The following SVEP1 variants were observed in gnomAD, a reference collection of about 807,000 sequenced individuals.
SVEP1 encodes the protein sushi, von Willebrand factor type A, EGF and pentraxin domain-containing protein 1.
In SVEP1, 164 loss-of-function variants were observed where a neutral mutation model predicts 367.3. The ratio of observed to expected loss-of-function variants is 0.45; its 90% CI spans 0.39 to 0.51. The LOEUF (loss-of-function observed/expected upper bound fraction) is 0.51. Among genes scored for constraint, SVEP1 ranks in the 20% least tolerant of loss-of-function variants. The probability of loss-of-function intolerance (pLI) is 0.00; values close to 1 mark genes in which losing one functional copy is unlikely to be tolerated. For synonymous variants in SVEP1, 1,666 were observed against 1,611.6 expected (o/e 1.03, Z -0.81); for missense variants, 4,117 against 4,425.3 (o/e 0.93, Z 1.98).
At chr9:110,472,438 T>C (rs1829035283) in intron 14 of SVEP1, 115 bp from the exon 15 acceptor site, 4 of 977,938 alleles carry the variant, frequency 4.1e-6, no homozygotes, top group Non-Finnish European at 5.8e-6. Flanking sequence ...CAAATGCCCA[T>C]AACATACTGC....
chr9:110,399,239 C>T (rs1300896558), intron 40 of SVEP1, among the ~76,000 whole-genome samples: 1 of 150,686 alleles, frequency 6.6e-6, no homozygotes, highest in Non-Finnish European at 1.5e-5. Context: ...GCAAACTATC[C>T]CAAGGATAAA....
rs577116382 is a variant in SVEP1, at chr9:110,532,960, G to A, written c.964+13155C>T. Among the ~76,000 whole-genome samples, 11 of 152,240 alleles carry A rather than the reference G, an allele frequency of 7.2e-5. No homozygotes were observed. The East Asian group carries it at 1.4e-3, about 19-fold the overall frequency. The stretch of plus-strand genomic sequence containing the variant: ...ATAATTTTTCCACTGACTAGGGTAC[G>A]GGATGGTTTCAGGATGAAACTGTTC... On this transcript the variant is annotated intron_variant, in intron 3 of 47. Transcript: ENST00000374469.
At chr9:110,512,365 A>AT (rs999776898) in intron 5 of SVEP1, among the ~76,000 whole-genome samples, 208 of 143,498 alleles carry the variant, frequency 1.4e-3, no homozygotes, top group East Asian at 1.6e-3. Flanking sequence ...TTGAGGCACT[A>AT]TTTTTTTTTT....
At chr9:110,374,761 A>G (rs1349031582) in intron 46 of SVEP1, among the ~76,000 whole-genome samples, 1 of 152,230 alleles carries the variant, frequency 6.6e-6, no homozygotes, top group Non-Finnish European at 1.5e-5. Flanking sequence ...TGAGGAAAGC[A>G]GTACGGCGAT....
chr9:110,408,213 G>T lies in SVEP1; in HGVS notation c.7387C>A (p.Leu2463Ile). 1 of 1,613,986 alleles carries T rather than the reference G, an allele frequency of 6.2e-7. No individual in the cohort carries two copies. The highest frequency in any genetic ancestry group is 1.1e-5 in the South Asian group (1 of 91,082). ...TCAAAGCCTGGCTTGCAGGTATAGA[G>T]AGCTGTGCTGAGATAGGCAAGGCCT... ...VQGLAYLSTA[L>I]YTCKPGFELV... Residue 2463 changes from leucine to isoleucine, a missense_variant, in exon 38 of 48, where the codon CTC becomes ATC. Physicochemically the swap from Leu to Ile is conservative, Grantham distance 5. Transcript: ENST00000374469.
chr9:110,447,594 C>T (rs1290026651), intron 24 of SVEP1, among the ~76,000 whole-genome samples: 1 of 152,260 alleles, frequency 6.6e-6, no homozygotes, highest in South Asian at 2.1e-4. Flanking sequence ...TTAAACTCAT[C>T]AGAATGGAAA....
chr9:110,432,472 T>C lies in SVEP1; in HGVS notation c.5223A>G (p.Pro1741=), dbSNP rs1379858950. The C allele has an allele frequency of 1.9e-6, 3 of 1,612,426 alleles. No individual in the cohort carries two copies. The highest frequency in any genetic ancestry group is 1.1e-5 in the South Asian group (1 of 90,736). ...TDNGSWNGVS[P]SCLDVDECAV... is the part of the protein sequence containing the mutation. ...CAACATTTATCTCACCAAGGCAGGA[T>C]GGTGAAACGCCGTTCCAGCTCCCAT... The change falls in exon 31 of 48, where the codon CCA becomes CCG. Residue 1741 remains proline, a synonymous_variant. Transcript: ENST00000374469.
chr9:110,507,745 T>G (rs1483123026), intron 5 of SVEP1, among the ~76,000 whole-genome samples: 2 of 152,226 alleles, frequency 1.3e-5, no homozygotes, highest in African/African-American at 4.8e-5. Flanking sequence ...GTCCTTCATG[T>G]GTATCCCAAG....
At chr9:110,553,961 A>T (rs1394937726) in intron 1 of SVEP1, among the ~76,000 whole-genome samples, 2 of 152,118 alleles carry the variant, frequency 1.3e-5, no homozygotes, top group South Asian at 2.1e-4. Context: ...TTATATTTTT[A>T]AAATATTTCT....
intron 44 of SVEP1, among the ~76,000 whole-genome samples, chr9:110,379,132 T>C (rs1384967231): frequency 6.6e-6 from 1 of 151,832 alleles, no homozygotes; most frequent in Non-Finnish European, 1.5e-5. Context: ...ATTACCTCTT[T>C]CTATTTTGCA....
chr9:110,470,415 C>G (rs1203177454), intron 16 of SVEP1, among the ~76,000 whole-genome samples: 1 of 151,914 alleles, frequency 6.6e-6, no homozygotes, highest in East Asian at 1.9e-4. Flanking sequence ...GGAATTTTTG[C>G]CACACTACTT....
At chr9:110,451,674 G>T (rs970625816) in intron 22 of SVEP1, among the ~76,000 whole-genome samples, 2 of 152,026 alleles carry the variant, frequency 1.3e-5, no homozygotes, top group Non-Finnish European at 2.9e-5. Context: ...GTGTGATTTT[G>T]TTTTAAATTT....
At chr9:110,384,011 C>T (rs1313241243) in intron 43 of SVEP1, among the ~76,000 whole-genome samples, 1 of 152,140 alleles carries the variant, frequency 6.6e-6, no homozygotes, top group African/African-American at 2.4e-5. Context: ...CCGCCTCTTC[C>T]CCCAGAAGCT....
At chr9:110,520,947 A>G (rs1397253995) in intron 3 of SVEP1, among the ~76,000 whole-genome samples, 1 of 152,180 alleles carries the variant, frequency 6.6e-6, no homozygotes, top group East Asian at 1.9e-4. Context: ...GGAGTTGTAC[A>G]ACACCAAGCC....
intron 3 of SVEP1, among the ~76,000 whole-genome samples, chr9:110,539,535 T>C (rs145116710): frequency 8.4e-4 from 128 of 152,090 alleles, no homozygotes; most frequent in African/African-American, 2.8e-3. Context: ...TGCTACTTTG[T>C]AAGTTTAAAA....
At chr9:110,486,363 C>T (rs1007846152) in intron 9 of SVEP1, among the ~76,000 whole-genome samples, 2 of 152,158 alleles carry the variant, frequency 1.3e-5, no homozygotes, top group Non-Finnish European at 2.9e-5. Flanking sequence ...GAGGCGACAG[C>T]AGATGTACTG....
chr9:110,521,510 G>A (rs1829875124), intron 3 of SVEP1, among the ~76,000 whole-genome samples: 1 of 152,180 alleles, frequency 6.6e-6, no homozygotes, highest in Admixed American at 6.5e-5. Context: ...TCAAAGGACT[G>A]TGTACAAAAG....
chr9:110,577,016 A>T (rs1830635220), intron 1 of SVEP1, among the ~76,000 whole-genome samples: 1 of 152,066 alleles, frequency 6.6e-6, no homozygotes, highest in Non-Finnish European at 1.5e-5. Context: ...ACTTTGAGAA[A>T]ATATAAGGTC....
rs201520602 is a variant in SVEP1, at chr9:110,411,307, G to A, written c.6404C>T (p.Ser2135Phe). The change falls in exon 37 of 48, where the codon TCC (serine) becomes TTC (phenylalanine). Residue 2135 changes from serine to phenylalanine, a missense_variant. Physicochemically the swap from Ser to Phe is radical, Grantham distance 155. Transcript: ENST00000374469. ...AGGGATGCACTGGATGGACATGGGGGAAGGGTTCCACTGCCCACCTCTCAT... is the reference window on the plus strand; with the variant it reads ...AGGGATGCACTGGATGGACATGGGGAAAGGGTTCCACTGCCCACCTCTCAT... Reference protein sequence around the residue: ...ECMRGGQWNPSPMSIQCIPVR... With the variant: ...ECMRGGQWNPFPMSIQCIPVR... The A allele has an allele frequency of 6.2e-7, 1 of 1,614,038 alleles. No homozygotes were observed. Among genetic ancestry groups the A allele is most frequent in the East Asian group, 2.2e-5 (1 of 44,890 alleles).
Sources: gnomAD v4.1 joint callset for allele counts (sites outside exome capture counted in the v4.1 genomes callset) on GRCh38, gnomAD v4.1.1 for gene constraint, MANE v1.5 for transcripts, NCBI Gene and HGNC (gene_info 2026-07-23, HGNC 2026-07-21) for gene names.